The following CDKL1 variants were observed in gnomAD, a reference collection of about 807,000 sequenced individuals.
CDKL1 encodes the protein cyclin-dependent kinase-like 1.
In CDKL1, 41 loss-of-function variants were observed where a neutral mutation model predicts 42.0. That is an observed-to-expected ratio of 0.98 (90% CI 0.76 to 1.27). The LOEUF is 1.27. CDKL1 is among the 50% of genes most tolerant of loss of function. CDKL1 has a pLI of 0.00. For synonymous variants in CDKL1, 153 were observed against 158.6 expected (o/e 0.96, Z 0.26); for missense variants, 394 against 428.4 (o/e 0.92, Z 0.71).
At chr14:50,384,682 C>CTT (rs11285101) in intron 2 of CDKL1, among the ~76,000 whole-genome samples, 6,561 of 141,768 alleles carry the variant, frequency 0.046, 136 homozygotes, top group Middle Eastern at 0.069. Flanking sequence ...GAAAATCTTT[C>CTT]TTTTTTTTTT....
intron 2 of CDKL1, among the ~76,000 whole-genome samples, chr14:50,371,227 A>G (rs1464916420): frequency 1.3e-5 from 2 of 152,226 alleles, no homozygotes; most frequent in Non-Finnish European, 1.5e-5. Flanking sequence ...GAGGGCAGAC[A>G]TTTCAAATTT....
At chr14:50,354,751 A>T (rs2034006382) in intron 3 of CDKL1, among the ~76,000 whole-genome samples, 1 of 152,300 alleles carries the variant, frequency 6.6e-6, no homozygotes, top group East Asian at 1.9e-4. Flanking sequence ...ATGAAGTTGG[A>T]TCTTCTCCAA....
In CDKL1 at chr14:50,342,309, G is replaced by A. The variant is rs892011580; in HGVS notation, c.364-87C>T. 9.4e-6 allele frequency: 14 copies of A among 1,490,204 alleles called. No individual in the cohort carries two copies. In the Admixed American group the frequency reaches 1.4e-4, roughly 15 times the overall value. 92.3% of individuals were successfully genotyped at this position (1,490,204 alleles called of 1,614,324 possible). ...ACACATGACTATTTAGCAAATATTG[G>A]ATAAATCATTTAAATCTCTCCTTGG... On this transcript the variant is annotated intron_variant, in intron 4 of 9. Coordinates refer to ENST00000395834, the MANE Select transcript of CDKL1 (RefSeq NM_004196.7).
At chr14:50,366,926 G>C (rs2139476780) in intron 2 of CDKL1, among the ~76,000 whole-genome samples, 1 of 152,318 alleles carries the variant, frequency 6.6e-6, no homozygotes, top group East Asian at 1.9e-4. Flanking sequence ...GTGGGGATCT[G>C]AGACACCAAA....
intron 7 of CDKL1, among the ~76,000 whole-genome samples, chr14:50,336,922 GTAAA>G (rs1190777219): frequency 6.7e-6 from 1 of 149,982 alleles, no homozygotes; most frequent in East Asian, 1.9e-4. Flanking sequence ...ATTTATATAT[GTAAA>G]TATATGTATA....
intron 2 of CDKL1, among the ~76,000 whole-genome samples, chr14:50,361,563 G>T (rs1225839736): frequency 6.6e-6 from 1 of 152,172 alleles, no homozygotes; most frequent in East Asian, 1.9e-4. Context: ...GCACCTTGTT[G>T]CTGTGTCCTC....
At chr14:50,343,155 CTT>C (rs3049935) in intron 4 of CDKL1, 2,638 of 291,992 alleles carry the variant, frequency 9.0e-3, no homozygotes, top group South Asian at 0.02. Context: ...TTAAGAGTTA[CTT>C]TTTTTTTTTT....
chr14:50,343,291 A>G (rs2033618438), intron 4 of CDKL1, among the ~76,000 whole-genome samples: 1 of 150,722 alleles, frequency 6.6e-6, no homozygotes, highest in Admixed American at 6.7e-5. Context: ...TTTGGCCTGC[A>G]GCCTGAAACC....
chr14:50,378,352 C>T, intron 2 of CDKL1: 2 of 1,366,318 alleles, frequency 1.5e-6, no homozygotes, highest in Non-Finnish European at 2.0e-6. Flanking sequence ...AATAACTGCA[C>T]TCAAGAATGA....
intron 2 of CDKL1, among the ~76,000 whole-genome samples, chr14:50,375,666 A>G (rs927974390): frequency 8.5e-5 from 13 of 152,212 alleles, no homozygotes; most frequent in African/African-American, 2.6e-4. Context: ...GTGTGGTGGC[A>G]GGCACCTGTA....
At chr14:50,339,254 A>C (rs1180736053) in intron 6 of CDKL1, among the ~76,000 whole-genome samples, 2 of 149,162 alleles carry the variant, frequency 1.3e-5, no homozygotes, top group African/African-American at 2.6e-5. Context: ...ACAGAAACTG[A>C]GGGCTACAAG....
At position 50,345,021 on chromosome 14, in the gene CDKL1, T is replaced by C; in HGVS notation, c.328A>G (p.Thr110Ala). 6.2e-7 allele frequency: 1 copy of C among 1,614,138 alleles called. No individual in the cohort carries two copies. Among genetic ancestry groups the C allele is most frequent in the Non-Finnish European group, 8.5e-7 (1 of 1,180,014 alleles). The change falls in exon 4 of 10, where the codon ACA (threonine) becomes GCA (alanine). Residue 110 changes from threonine (T) to alanine (A), a missense_variant. Thr to Ala is a moderately conservative substitution (Grantham distance 58). Coordinates refer to ENST00000395834, the MANE Select transcript of CDKL1 (RefSeq NM_004196.7). ...TGGCAAAAATTTACAGCTTGCAGTG[T>C]CTGCCAAGTTATGCTCTTCACGAGA... ...EHLVKSITWQ[T>A]LQAVNFCHKH... is the part of the protein sequence containing the mutation.
At position 50,379,959 on chromosome 14, in the gene CDKL1, G is replaced by A. The variant is rs11570794; in HGVS notation, c.168+15742C>T. 1.0e-3 allele frequency: 375 copies of A among 375,504 alleles called. 2 individuals carry two copies. The highest frequency in any genetic ancestry group is 7.2e-3 in the South Asian group (367 of 51,276). The allele number at this position is 375,504 out of a possible 1,614,324, so 23.3% of individuals were successfully genotyped here. On this transcript the variant is annotated intron_variant, in intron 2 of 9. Transcript: ENST00000395834. ...AGGTCTGAGCTGGCACTGATATGTG[G>A]GGACCCCAAATGCTACCATGGCCTC...
chr14:50,340,341 G>A (rs1373352163), intron 6 of CDKL1, among the ~76,000 whole-genome samples: 5 of 152,214 alleles, frequency 3.3e-5, no homozygotes, highest in Non-Finnish European at 5.9e-5. Flanking sequence ...AAGGCATGGC[G>A]ATGGCAGTTC....
At chr14:50,353,185 A>G (rs545643662) in intron 3 of CDKL1, among the ~76,000 whole-genome samples, 3 of 151,786 alleles carry the variant, frequency 2.0e-5, no homozygotes, top group Non-Finnish European at 4.4e-5. Context: ...TGTCTCTCCA[A>G]GTTTTTAGGG....
chr14:50,377,593 A>G (rs1423323797), intron 2 of CDKL1: 6 of 1,354,584 alleles, frequency 4.4e-6, no homozygotes, highest in Non-Finnish European at 4.9e-6. Flanking sequence ...GAACTGGATC[A>G]ATCATGGAGC....
intron 2 of CDKL1, among the ~76,000 whole-genome samples, chr14:50,364,580 T>C (rs983950496): frequency 4.6e-5 from 7 of 152,136 alleles, no homozygotes; most frequent in African/African-American, 1.5e-4. Flanking sequence ...TTTGCTATTA[T>C]AAATAAGATT....
In CDKL1 at chr14:50,359,853, C is replaced by A. The variant is rs561846801; in HGVS notation, c.169-704G>T. 1.5e-3 allele frequency among the ~76,000 whole-genome samples: 212 copies of A among 145,180 alleles called. 3 individuals are homozygous for A. The highest frequency in any genetic ancestry group is 2.6e-3 in the Non-Finnish European group (174 of 66,618). ...AATGTTAGCTTTGGCAGAGATAAAT[C>A]TTGTACCTAGCTTCCTGGCCCTTTC... is the stretch of plus-strand genomic sequence containing the variant. On this transcript the variant is annotated intron_variant, in intron 2 of 9. Transcript: ENST00000395834.
At chr14:50,343,437 G>A (rs1032223889) in intron 4 of CDKL1, among the ~76,000 whole-genome samples, 2 of 152,016 alleles carry the variant, frequency 1.3e-5, no homozygotes, top group African/African-American at 4.8e-5. Context: ...GGAAAATTTG[G>A]GGTAAATAAA....
Sources: gnomAD v4.1 joint callset for allele counts (sites outside exome capture counted in the v4.1 genomes callset) on GRCh38, gnomAD v4.1.1 for gene constraint, MANE v1.5 for transcripts, NCBI Gene and HGNC (gene_info 2026-07-23, HGNC 2026-07-21) for gene names.